The following NEK7 variants were observed in gnomAD, a reference collection of about 807,000 sequenced individuals.
NEK7 encodes the protein serine/threonine-protein kinase Nek7.
NEK7 carries 18 observed loss-of-function variants against 44.6 expected under a neutral mutation model. That is an observed-to-expected ratio of 0.40 (90% CI 0.28 to 0.60). The LOEUF (loss-of-function observed/expected upper bound fraction) is 0.60, where lower values mean the gene tolerates loss of function less well. Among genes scored for constraint, NEK7 ranks in the 20% least tolerant of loss-of-function variants. The pLI, the probability that NEK7 is intolerant of heterozygous loss-of-function variation, is 0.38. For synonymous variants in NEK7, 130 were observed against 121.1 expected (o/e 1.07, Z -0.48); for missense variants, 256 against 366.5 (o/e 0.70, Z 2.46).
intron 9 of NEK7, among the ~76,000 whole-genome samples, chr1:198,315,881 G>A (rs12410255): frequency 0.17 from 25,952 of 152,152 alleles, 3,044 homozygotes; most frequent in African/African-American, 0.3. Context: ...TGGGAACAGA[G>A]CCTGCAAAGA....
chr1:198,269,075 A>G (rs562308299), intron 5 of NEK7, among the ~76,000 whole-genome samples: 2 of 152,174 alleles, frequency 1.3e-5, no homozygotes, highest in South Asian at 2.1e-4. Flanking sequence ...TCATGTGTGT[A>G]ATTATTTTAT....
Position 198,242,405 on chromosome 1 carries a change from T to G in NEK7, c.57+9768T>G, listed in dbSNP as rs1666708735. Among the ~76,000 whole-genome samples, 4 of 151,282 alleles carry G rather than the reference T, an allele frequency of 2.6e-5. No homozygotes were observed. In the South Asian group the frequency reaches 8.3e-4, roughly 31 times the overall value. On this transcript the variant is annotated intron_variant, in intron 2 of 9. Transcript: ENST00000367385. ...TACCTCTTTTTCTTTCTTTTTCTTT[T>G]TTTTTTTTTTGAGATAAGGTCTCAC...
At chr1:198,183,391 G>A (rs563270877) in intron 1 of NEK7, among the ~76,000 whole-genome samples, 54 of 152,180 alleles carry the variant, frequency 3.5e-4, no homozygotes, top group African/African-American at 1.3e-3. Context: ...CCAGGCTAAG[G>A]AATTTATTGT....
chr1:198,157,586 T>A (rs1571486842), intron 1 of NEK7, among the ~76,000 whole-genome samples: 1 of 152,112 alleles, frequency 6.6e-6, no homozygotes, highest in African/African-American at 2.4e-5. Flanking sequence ...CGGCAACAGG[T>A]CTTTGGTTTC....
chr1:198,259,805 A>G (rs958014333), intron 3 of NEK7, among the ~76,000 whole-genome samples: 3 of 146,858 alleles, frequency 2.0e-5, no homozygotes, highest in Admixed American at 1.3e-4. Context: ...GATTTTACAC[A>G]CACACTCACA....
intron 1 of NEK7, among the ~76,000 whole-genome samples, chr1:198,166,908 A>T (rs1212031160): frequency 6.6e-6 from 1 of 152,254 alleles, no homozygotes; most frequent in Non-Finnish European, 1.5e-5. Flanking sequence ...TTCAGTTTAT[A>T]AAAAACACAA....
intron 3 of NEK7, among the ~76,000 whole-genome samples, chr1:198,260,037 T>C (rs971156019): frequency 5.9e-5 from 9 of 152,186 alleles, no homozygotes; most frequent in Non-Finnish European, 1.3e-4. Flanking sequence ...GGTTTTCTTA[T>C]TTGTATCTGT....
intron 1 of NEK7, among the ~76,000 whole-genome samples, chr1:198,198,515 C>T (rs116708117): frequency 0.013 from 1,983 of 152,236 alleles, 37 homozygotes; most frequent in African/African-American, 0.045. Flanking sequence ...TCAAGCCTGT[C>T]GACCCACATG....
At chr1:198,282,326 T>C (rs1444861030) in intron 7 of NEK7, among the ~76,000 whole-genome samples, 1 of 152,106 alleles carries the variant, frequency 6.6e-6, no homozygotes, top group Non-Finnish European at 1.5e-5. Flanking sequence ...GCAAGGTCCT[T>C]GGCCTGGCAT....
chr1:198,275,980 C>A (rs1654005855), intron 5 of NEK7, among the ~76,000 whole-genome samples: 1 of 151,604 alleles, frequency 6.6e-6, no homozygotes, highest in South Asian at 2.1e-4. Flanking sequence ...AAGTCAAATT[C>A]ATGTCATTCT....
chr1:198,245,203 G>C (rs187506112), intron 2 of NEK7: 58 of 169,276 alleles, frequency 3.4e-4, no homozygotes, highest in Non-Finnish European at 6.7e-4. Context: ...AGGAGAAGGA[G>C]AAAGAGAAGG....
chr1:198,256,650 G>A (rs1653276054), intron 3 of NEK7: 1 of 785,914 alleles, frequency 1.3e-6, no homozygotes, highest in Non-Finnish European at 1.9e-6. Context: ...AGTGTCTAAG[G>A]CTTTAGGAAG....
intron 1 of NEK7, among the ~76,000 whole-genome samples, chr1:198,229,688 G>A (rs925969288): frequency 5.3e-5 from 8 of 152,168 alleles, no homozygotes; most frequent in African/African-American, 1.7e-4. Flanking sequence ...TTGTATGAAA[G>A]CAGAGGAAAA....
intron 1 of NEK7, among the ~76,000 whole-genome samples, chr1:198,231,579 A>T (rs1666400646): frequency 6.6e-6 from 1 of 151,830 alleles, no homozygotes; most frequent in African/African-American, 2.4e-5. Flanking sequence ...TAGAAAAATA[A>T]TTCATACATA....
At chr1:198,298,569 C>A (rs1654780916) in intron 9 of NEK7, among the ~76,000 whole-genome samples, 1 of 152,128 alleles carries the variant, frequency 6.6e-6, no homozygotes, top group Non-Finnish European at 1.5e-5. Context: ...TGGGTATAGA[C>A]TATAAATATG....
At chr1:198,167,359 T>G (rs753806352) in intron 1 of NEK7, among the ~76,000 whole-genome samples, 8 of 152,208 alleles carry the variant, frequency 5.3e-5, no homozygotes, top group Non-Finnish European at 1.2e-4. Context: ...CTGATGTTTT[T>G]GGTCTTAACA....
intron 9 of NEK7, among the ~76,000 whole-genome samples, chr1:198,315,818 A>G (rs1655352449): frequency 6.6e-6 from 1 of 152,200 alleles, no homozygotes; most frequent in Admixed American, 6.5e-5. Context: ...AGTTTTAAAC[A>G]TGTTTAATGT....
At chr1:198,199,830 A>T (rs1380488962) in intron 1 of NEK7, among the ~76,000 whole-genome samples, 4 of 152,042 alleles carry the variant, frequency 2.6e-5, no homozygotes, top group Non-Finnish European at 4.4e-5. Context: ...TATGTAAGAC[A>T]TGTCTTACAA....
At position 198,253,078 on chromosome 1, in the gene NEK7, C is replaced by A. The variant is rs539397449; in HGVS notation, c.96C>A (p.Ala32=). The change falls in exon 3 of 10, where the codon GCC becomes GCA. Residue 32 remains alanine (A), a synonymous_variant. Coordinates refer to ENST00000367385, the MANE Select transcript of NEK7 (RefSeq NM_133494.3). Reference sequence around the variant, plus strand: ...CGGATATGGGCTATAATACATTAGCCAACTTTCGAATAGAAAAGAAAATTG... The same window carrying A: ...CGGATATGGGCTATAATACATTAGCAAACTTTCGAATAGAAAAGAAAATTG... ...LRPDMGYNTL[A]NFRIEKKIGR... 1.9e-4 allele frequency: 309 copies of A among 1,612,284 alleles called. No individual in the cohort carries two copies. Among genetic ancestry groups the A allele is most frequent in the Non-Finnish European group, 2.5e-4 (290 of 1,178,812 alleles).
Sources: allele counts gnomAD v4.1 joint callset (sites outside exome capture counted in the v4.1 genomes callset), GRCh38; gene constraint gnomAD v4.1.1; transcripts MANE v1.5; gene names NCBI Gene and HGNC (gene_info 2026-07-23, HGNC 2026-07-21).